Variants in NCKAP5 observed in about 807,000 individuals in gnomAD.
NCKAP5 encodes nck-associated protein 5.
A neutral mutation model predicts 167.0 loss-of-function variants in NCKAP5; 92 were observed. The observed-to-expected ratio is 0.55, with a 90% CI of 0.47 to 0.66. The LOEUF (loss-of-function observed/expected upper bound fraction) is 0.66. NCKAP5 is among the 30% of genes least tolerant of loss of function. The probability of loss-of-function intolerance (pLI) is 0.00; values close to 1 mark genes in which losing one functional copy is unlikely to be tolerated. For missense variants in NCKAP5, 2,378 were observed against 2,315.0 expected (o/e 1.03, Z -0.56); for synonymous variants, 891 against 877.4 (o/e 1.02, Z -0.27).
chr2:133,142,400 G>A (rs1214759291), intron 5 of NCKAP5, among the ~76,000 whole-genome samples: 2 of 152,130 alleles, frequency 1.3e-5, no homozygotes, highest in Admixed American at 6.6e-5. Context: ...CCGTTGTTGG[G>A]TATAGAAAAG....
Position 133,559,688 on chromosome 2 carries a change from T to A in NCKAP5, c.-129-571A>T, listed in dbSNP as rs1688021863. Among the ~76,000 whole-genome samples the A allele has an allele frequency of 5.3e-5, 8 of 152,080 alleles. No individual in the cohort carries two copies. The South Asian group carries it at 1.7e-3, about 32-fold the overall frequency. On this transcript the variant is annotated intron_variant, in intron 1 of 19. Transcript: ENST00000409261. ...ACAAGGTTAAATAACTTGCCCAAAG[T>A]CAGTAGAGTTCAGAACAGAGATCAG...
chr2:132,678,084 G>A (rs1238933085), intron 19 of NCKAP5, among the ~76,000 whole-genome samples: 1 of 152,008 alleles, frequency 6.6e-6, no homozygotes, highest in Non-Finnish European at 1.5e-5. Context: ...GGATAAAATT[G>A]GAGGAGATAT....
chr2:133,601,476 C>T, the NCKAP5 span, among the ~76,000 whole-genome samples: 11 of 152,102 alleles, frequency 7.2e-5, no homozygotes, highest in East Asian at 1.9e-4. Context: ...ACGCCTATAA[C>T]CCCAGCACTT....
intron 6 of NCKAP5, among the ~76,000 whole-genome samples, chr2:133,102,999 C>T (rs1443293916): frequency 3.3e-5 from 5 of 152,170 alleles, no homozygotes; most frequent in South Asian, 2.1e-4. Context: ...TTCCTTTCAG[C>T]TGTAATATTT....
At chr2:133,598,779 A>AATG in the NCKAP5 span, among the ~76,000 whole-genome samples, 3 of 152,304 alleles carry the variant, frequency 2.0e-5, no homozygotes, top group East Asian at 5.8e-4. Context: ...TTCCATTACA[A>AATG]ATGACCACAG....
intron 15 of NCKAP5, among the ~76,000 whole-genome samples, chr2:132,774,776 G>A (rs1682401318): frequency 6.6e-6 from 1 of 152,232 alleles, no homozygotes; most frequent in African/African-American, 2.4e-5. Context: ...GGCAGGTGCT[G>A]TTTGCACGTA....
At chr2:133,337,811 A>G (rs1456680632) in intron 3 of NCKAP5, among the ~76,000 whole-genome samples, 1 of 152,236 alleles carries the variant, frequency 6.6e-6, no homozygotes, top group Non-Finnish European at 1.5e-5. Flanking sequence ...GTATTTTATT[A>G]TGGCAGCCCT....
At chr2:133,281,484 C>A (rs1181240989) in intron 4 of NCKAP5, among the ~76,000 whole-genome samples, 1 of 151,962 alleles carries the variant, frequency 6.6e-6, no homozygotes, top group Non-Finnish European at 1.5e-5. Flanking sequence ...GAAGCCTGGG[C>A]CTCAGAATTT....
chr2:133,177,244 G>T (rs947815294), intron 5 of NCKAP5, among the ~76,000 whole-genome samples: 1 of 150,842 alleles, frequency 6.6e-6, no homozygotes, highest in Non-Finnish European at 1.5e-5. Flanking sequence ...TGATCACAGC[G>T]TTGTAAGGCT....
In NCKAP5 at chr2:133,193,780, G is replaced by A. The variant is rs114359709; in HGVS notation, c.207+19936C>T. Among the ~76,000 whole-genome samples, 972 of 152,098 alleles carry A rather than the reference G, an allele frequency of 6.4e-3. 20 individuals are homozygous for A. Among genetic ancestry groups the A allele is most frequent in the African/African-American group, 0.022 (920 of 41,508 alleles). On this transcript the variant is annotated intron_variant, in intron 5 of 19. Coordinates refer to ENST00000409261, the MANE Select transcript of NCKAP5 (RefSeq NM_207363.3). ...AAACTTTAAACTCAGTGGAGCCAGA[G>A]TATTTGTAGTCTCTGTGTCACTTGG...
intron 4 of NCKAP5, among the ~76,000 whole-genome samples, chr2:133,258,815 T>C (rs1455681572): frequency 6.6e-6 from 1 of 151,996 alleles, no homozygotes; most frequent in Non-Finnish European, 1.5e-5. Flanking sequence ...ATCAAAACTA[T>C]TTTAAGAAAT....
chr2:133,617,225 C>T, the NCKAP5 span, among the ~76,000 whole-genome samples: 1 of 152,164 alleles, frequency 6.6e-6, no homozygotes, highest in Non-Finnish European at 1.5e-5. Context: ...TGGAAGCATT[C>T]CCTTTGAAAA....
intron 4 of NCKAP5, among the ~76,000 whole-genome samples, chr2:133,245,774 T>C (rs929921814): frequency 1.3e-5 from 2 of 152,028 alleles, no homozygotes; most frequent in African/African-American, 4.8e-5. Context: ...ATTCAGCAAA[T>C]TCCTATGCTT....
intron 5 of NCKAP5, among the ~76,000 whole-genome samples, chr2:133,202,802 C>T (rs1242830553): frequency 1.3e-5 from 2 of 152,192 alleles, no homozygotes; most frequent in Non-Finnish European, 1.5e-5. Context: ...CTCATCATCA[C>T]TGGCCATCAG....
intron 2 of NCKAP5, among the ~76,000 whole-genome samples, chr2:133,534,703 T>C (rs1485996438): frequency 6.6e-6 from 1 of 152,226 alleles, no homozygotes; most frequent in Non-Finnish European, 1.5e-5. Flanking sequence ...TTCTATTATA[T>C]GGGTATACCA....
In NCKAP5 at chr2:133,061,394, C is replaced by T. The variant is rs575085002; in HGVS notation, c.342-67155G>A. Among the ~76,000 whole-genome samples the T allele has an allele frequency of 1.4e-4, 22 of 152,288 alleles. No homozygotes were observed. The South Asian group carries it at 1.5e-3, about 10-fold the overall frequency. On this transcript the variant is annotated intron_variant, in intron 6 of 19. Coordinates refer to ENST00000409261, the MANE Select transcript of NCKAP5 (RefSeq NM_207363.3). ...ATTATCTCATTTAATCCTCAAAACT[C>T]GCATTCTAGAAGAAGTTTTTTTCTG...
chr2:132,801,340 C>T (rs954002066), intron 11 of NCKAP5, among the ~76,000 whole-genome samples: 4 of 152,168 alleles, frequency 2.6e-5, no homozygotes, highest in Non-Finnish European at 5.9e-5. Flanking sequence ...TGACATTGAC[C>T]TGGCTGACAC....
intron 8 of NCKAP5, among the ~76,000 whole-genome samples, chr2:132,934,774 A>G (rs74859525): frequency 1.2e-4 from 18 of 152,318 alleles, no homozygotes; most frequent in Non-Finnish European, 2.2e-4. Flanking sequence ...AGAAGTTGTA[A>G]ATGTTACCTA....
At chr2:133,178,647 A>G (rs1414976330) in intron 5 of NCKAP5, among the ~76,000 whole-genome samples, 1 of 151,442 alleles carries the variant, frequency 6.6e-6, no homozygotes, top group African/African-American at 2.4e-5. Flanking sequence ...AACACGGTGA[A>G]AACCTGTCTC....
Sources: allele counts gnomAD v4.1 joint callset (sites outside exome capture counted in the v4.1 genomes callset), GRCh38; gene constraint gnomAD v4.1.1; transcripts MANE v1.5; gene names NCBI Gene and HGNC (gene_info 2026-07-23, HGNC 2026-07-21).